The following ADARB1 variants were observed in gnomAD, a reference collection of about 807,000 sequenced individuals.
The protein encoded by ADARB1 is double-stranded RNA-specific editase 1.
ADARB1 carries 10 observed loss-of-function variants against 52.4 expected under a neutral mutation model. The observed-to-expected ratio is 0.19, with a 90% CI of 0.12 to 0.32. The LOEUF is 0.32. Ranked by LOEUF, ADARB1 falls within the 10% of genes least tolerant of loss-of-function variation. ADARB1 has a pLI of 1.00. For missense variants in ADARB1, 643 were observed against 922.3 expected (o/e 0.70, Z 3.92); for synonymous variants, 349 against 371.1 (o/e 0.94, Z 0.68).
rs2092988092 is a variant in ADARB1 at position 45,222,760 on chromosome 21, G to C, written c.*563G>C. ...TAAACTTAGGTCTCTTTTCTCCGTAGGTACCTCCCTGGGTAGTTCCACACA... is the reference window on the plus strand; with the variant it reads ...TAAACTTAGGTCTCTTTTCTCCGTACGTACCTCCCTGGGTAGTTCCACACA... On this transcript the variant is annotated 3_prime_UTR_variant, in exon 11 of 11. Transcript: ENST00000348831. 5 of 986,036 alleles carry C rather than the reference G, an allele frequency of 5.1e-6. No individual in the cohort carries two copies. Among genetic ancestry groups the C allele is most frequent in the Non-Finnish European group, 6.0e-6 (5 of 830,428 alleles). 61.1% of individuals were successfully genotyped at this position (986,036 alleles called of 1,614,324 possible). A position where few individuals can be genotyped will look rare whatever the true frequency, so the allele number is the denominator to read the frequency against.
chr21:45,107,268 G>A (rs2087300458), intron 1 of ADARB1, among the ~76,000 whole-genome samples: 1 of 152,142 alleles, frequency 6.6e-6, no homozygotes, highest in East Asian at 1.9e-4. Flanking sequence ...AAGATGGCTT[G>A]GCTCATTAAG....
intron 1 of ADARB1, among the ~76,000 whole-genome samples, chr21:45,097,547 C>T (rs1412726088): frequency 6.6e-6 from 1 of 151,844 alleles, no homozygotes; most frequent in Non-Finnish European, 1.5e-5. Flanking sequence ...GAGCAGACGC[C>T]GAGGGGCCGC....
chr21:45,180,277 C>A, intron 4 of ADARB1, 53 bp from the exon 5 acceptor site: 1 of 1,312,764 alleles, frequency 7.6e-7, no homozygotes, highest in Non-Finnish European at 1.1e-6. Context: ...AGAGAGTGAG[C>A]CCTGCTCCCA....
intron 4 of ADARB1, among the ~76,000 whole-genome samples, chr21:45,180,012 G>C (rs970333695): frequency 2.6e-5 from 4 of 152,210 alleles, no homozygotes; most frequent in African/African-American, 7.2e-5. Flanking sequence ...TGTTTGCCTC[G>C]GTTTCCTCCT....
intron 2 of ADARB1, chr21:45,132,175 GTC>G (rs1482122395): frequency 6.6e-6 from 1 of 152,230 alleles, no homozygotes; most frequent in Non-Finnish European, 1.5e-5. Context: ...AGAACGAGAA[GTC>G]TCTGAATGTG....
intron 2 of ADARB1, among the ~76,000 whole-genome samples, chr21:45,133,163 TC>T (rs1041084316): frequency 3.6e-4 from 55 of 152,348 alleles, no homozygotes; most frequent in African/African-American, 1.3e-3. Flanking sequence ...CTGATTCTGT[TC>T]CTTGAAGTGT....
At chr21:45,131,287 A>G (rs1261098741) in intron 2 of ADARB1, among the ~76,000 whole-genome samples, 3 of 152,192 alleles carry the variant, frequency 2.0e-5, no homozygotes, top group African/African-American at 7.2e-5. Flanking sequence ...ACCATAAGCA[A>G]TAGAGCTGAG....
chr21:45,124,278 C>T (rs1056864439), intron 1 of ADARB1, among the ~76,000 whole-genome samples: 1 of 152,208 alleles, frequency 6.6e-6, no homozygotes, highest in South Asian at 2.1e-4. Flanking sequence ...TCTAGAGAAG[C>T]CATCTAGTCA....
At chr21:45,108,347 A>C (rs1020240243) in intron 1 of ADARB1, among the ~76,000 whole-genome samples, 2 of 152,200 alleles carry the variant, frequency 1.3e-5, no homozygotes, top group African/African-American at 4.8e-5. Flanking sequence ...TAATGTTGCT[A>C]TTTCTCATGT....
chr21:45,204,890 C>G lies in ADARB1; in HGVS notation c.1747+154C>G, dbSNP rs1011303062. 2.0e-5 allele frequency among the ~76,000 whole-genome samples: 3 copies of G among 152,178 alleles called. No individual in the cohort carries two copies. Among genetic ancestry groups the G allele is most frequent in the African/African-American group, 7.2e-5 (3 of 41,436 alleles). On this transcript the variant is annotated intron_variant, in intron 9 of 10. Coordinates refer to ENST00000348831, the MANE Select transcript of ADARB1 (RefSeq NM_001112.4). This position sits in a 1 kb window ranked among gnomAD's most constrained non-coding sequence, Gnocchi z 4.4. Reference sequence around the variant, plus strand: ...GAGACCCAAGGTGATGTTTCTGAGGCTCTCCGGGCCTTGTCTCTAGGGCCT... The same window carrying G: ...GAGACCCAAGGTGATGTTTCTGAGGGTCTCCGGGCCTTGTCTCTAGGGCCT...
intron 2 of ADARB1, among the ~76,000 whole-genome samples, chr21:45,131,238 A>G (rs2088913349): frequency 6.6e-6 from 1 of 152,188 alleles, no homozygotes; most frequent in African/African-American, 2.4e-5. Context: ...CTGTCAGTGC[A>G]GGCAGATGTG....
At chr21:45,118,976 A>G (rs1326685216) in intron 1 of ADARB1, among the ~76,000 whole-genome samples, 2 of 152,188 alleles carry the variant, frequency 1.3e-5, no homozygotes, top group Admixed American at 6.5e-5. Flanking sequence ...AGCACCGTGC[A>G]CTATTATGGT....
chr21:45,218,315 C>G (rs951028881), intron 9 of ADARB1, among the ~76,000 whole-genome samples: 2 of 152,140 alleles, frequency 1.3e-5, no homozygotes, highest in South Asian at 4.1e-4. Context: ...TCTGCGGTTT[C>G]TATTCTGTGG....
chr21:45,150,983 T>A (rs914177520), intron 2 of ADARB1, among the ~76,000 whole-genome samples: 1 of 152,154 alleles, frequency 6.6e-6, no homozygotes, highest in African/African-American at 2.4e-5. Context: ...AGGAGGGCAG[T>A]CCTCTGTCCC....
At chr21:45,213,199 C>T (rs982811153) in intron 9 of ADARB1, among the ~76,000 whole-genome samples, 1 of 152,170 alleles carries the variant, frequency 6.6e-6, no homozygotes, top group Non-Finnish European at 1.5e-5. Context: ...TTGTTTAAAG[C>T]TTCATATCTG....
intron 2 of ADARB1, among the ~76,000 whole-genome samples, chr21:45,161,713 C>CAG (rs1205460823): frequency 5.9e-5 from 9 of 152,204 alleles, no homozygotes; most frequent in Non-Finnish European, 1.3e-4. Context: ...CTTCAGCTTA[C>CAG]AGAGGACTTA....
Position 45,200,688 on chromosome 21 carries a change from G to C in ADARB1, c.1566-3867G>C, listed in dbSNP as rs993808036. ...CGTGCAGCTGCTTGAAGAACCCAGG[G>C]GCATCTCTGGCTGGTCCTGGGTTGA... On this transcript the variant is annotated intron_variant, in intron 8 of 10. Coordinates refer to ENST00000348831, the MANE Select transcript of ADARB1 (RefSeq NM_001112.4). This position sits in a 1 kb window ranked among gnomAD's most constrained non-coding sequence, Gnocchi z 5.0. 6.6e-6 allele frequency among the ~76,000 whole-genome samples: 1 copy of C among 152,098 alleles called. No homozygotes were observed. Among genetic ancestry groups the C allele is most frequent in the African/African-American group, 2.4e-5 (1 of 41,414 alleles).
chr21:45,190,323 C>T (rs754065098), intron 8 of ADARB1, among the ~76,000 whole-genome samples: 1 of 152,104 alleles, frequency 6.6e-6, no homozygotes, highest in Non-Finnish European at 1.5e-5. Flanking sequence ...TTGATATGCT[C>T]ATTTTGTTCT....
intron 4 of ADARB1, among the ~76,000 whole-genome samples, chr21:45,179,755 C>T (rs769162675): frequency 6.6e-6 from 1 of 152,036 alleles, no homozygotes; most frequent in African/African-American, 2.4e-5. Flanking sequence ...AGAAGCCTCT[C>T]GGTGGCGCCT....
Sources: allele counts gnomAD v4.1 joint callset (sites outside exome capture counted in the v4.1 genomes callset), GRCh38; gene constraint gnomAD v4.1.1; non-coding constraint Gnocchi (gnomAD v3.1); transcripts MANE v1.5; gene names NCBI Gene and HGNC (gene_info 2026-07-23, HGNC 2026-07-21).